Variants in SHMT1 observed in about 807,000 individuals in gnomAD.
SHMT1 encodes the protein serine hydroxymethyltransferase 1, also known as serine hydroxymethyltransferase, cytosolic.
In SHMT1, 45 loss-of-function variants were observed where a neutral mutation model predicts 49.0. The ratio of observed to expected loss-of-function variants is 0.92; its 90% CI spans 0.72 to 1.18. The LOEUF (loss-of-function observed/expected upper bound fraction) is 1.18. Among genes scored for constraint, SHMT1 ranks in the 50% most tolerant of loss-of-function variants. The pLI, the probability that SHMT1 is intolerant of heterozygous loss-of-function variation, is 0.00. For synonymous variants in SHMT1, 232 were observed against 246.6 expected, an observed-to-expected ratio of 0.94 and a Z score of 0.55; for missense variants, 541 against 612.4, an observed-to-expected ratio of 0.88 and a Z score of 1.23.
At position 18,345,251 on chromosome 17, in the gene SHMT1, C is replaced by T. The variant is rs968175233; in HGVS notation, c.519+2245G>A. On this transcript the variant is annotated intron_variant, in intron 5 of 11. Transcript: ENST00000316694. ...TGGCTGGAGGGAACTGGGTGCGGGA[C>T]GCAGATTCTTTCTTTTTTTTTCTGG... Among the ~76,000 whole-genome samples, 15 of 152,204 alleles carry T rather than the reference C, an allele frequency of 9.9e-5. No individual in the cohort carries two copies. In the South Asian group the frequency reaches 1.5e-3, roughly 15 times the overall value.
intron 3 of SHMT1, chr17:18,348,645 G>A (rs1298162280): frequency 1.4e-6 from 1 of 690,828 alleles, no homozygotes; most frequent in Non-Finnish European, 2.7e-6. Context: ...GACCAAACCA[G>A]CTGTGCAACT....
rs370480715 is a variant in SHMT1, at chr17:18,340,725, G to T, written c.601+7C>A. 6.2e-7 allele frequency: 1 copy of T among 1,608,922 alleles called. No individual in the cohort carries two copies. The highest frequency in any genetic ancestry group is 8.5e-7 in the Non-Finnish European group (1 of 1,177,526). On this transcript the variant is annotated splice_region_variant and intron_variant, in intron 6 of 11. Transcript: ENST00000316694. This position sits in a 1 kb window ranked among gnomAD's most constrained non-coding sequence, Gnocchi z 4.5. Reference sequence around the variant, plus strand: ...TGAACAAGGTGACTTTCCGCCCCGCGCATCACCTGCGATGATCAGCTTCGG... The same window carrying T: ...TGAACAAGGTGACTTTCCGCCCCGCTCATCACCTGCGATGATCAGCTTCGG...
chr17:18,331,869 CA>C (rs1440584910), intron 9 of SHMT1: 1 of 152,204 alleles, frequency 6.6e-6, no homozygotes, highest in Non-Finnish European at 1.5e-5. Flanking sequence ...ATGAAACTTC[CA>C]CCTCAGATCA....
chr17:18,337,126 T>C (rs1351878230), intron 7 of SHMT1, among the ~76,000 whole-genome samples: 1 of 152,194 alleles, frequency 6.6e-6, no homozygotes, highest in Non-Finnish European at 1.5e-5. Flanking sequence ...CTAATCACTT[T>C]ACATAAATTC....
rs959436249 is a variant in SHMT1, at chr17:18,328,439, T to C, written c.*311A>G. The C allele has an allele frequency of 1.2e-5, 5 of 401,044 alleles. No homozygotes were observed. The highest frequency in any genetic ancestry group is 2.3e-5 in the Non-Finnish European group (5 of 213,308). 24.8% of individuals were successfully genotyped at this position (401,044 alleles called of 1,614,324 possible). ...TACAATCTTTCTAACAGCTTTGCCC[T>C]ACACCACCATCTAAATGATTATGAC... is the stretch of plus-strand genomic sequence containing the variant. On this transcript the variant is annotated 3_prime_UTR_variant, in exon 12 of 12. Coordinates refer to ENST00000316694, the MANE Select transcript of SHMT1 (RefSeq NM_004169.5).
chr17:18,347,562 A>G lies in SHMT1; in HGVS notation c.453T>C (p.His151=). ...LDLPDGGHLT[H]GFMTDKKKIS... is the part of the protein sequence containing the mutation. Reference sequence around the variant, plus strand: ...TTTTCTTCTTGTCTGTCATGAACCCATGGGTCAGGTGGCCCCCATCCGGAA... The same window carrying G: ...TTTTCTTCTTGTCTGTCATGAACCCGTGGGTCAGGTGGCCCCCATCCGGAA... Residue 151 remains histidine (H), a synonymous_variant, in exon 5 of 12, where the codon CAT becomes CAC. Coordinates refer to ENST00000316694, the MANE Select transcript of SHMT1 (RefSeq NM_004169.5). 6.2e-7 allele frequency: 1 copy of G among 1,614,198 alleles called. No individual in the cohort carries two copies. The highest frequency in any genetic ancestry group is 8.5e-7 in the Non-Finnish European group (1 of 1,180,036).
chr17:18,358,478 C>T (rs989695179), intron 1 of SHMT1, among the ~76,000 whole-genome samples: 1 of 151,920 alleles, frequency 6.6e-6, no homozygotes, highest in African/African-American at 2.4e-5. Context: ...CAGAGCGAGA[C>T]TCTGTCTCAA....
At position 18,328,366 on chromosome 17, in the gene SHMT1, CCT is replaced by C. The variant is rs1982787480; in HGVS notation, c.*382_*383del. 3.4e-6 allele frequency: 1 copy of C among 290,636 alleles called. No individual in the cohort carries two copies. The highest frequency in any genetic ancestry group is 6.7e-6 in the Non-Finnish European group (1 of 148,800). The allele number at this position is 290,636 out of a possible 1,614,324, so 18.0% of individuals were successfully genotyped here. ...GTACAAGCTGTGGACATGGGCATTT[CCT>C]CTCTGTTGCAGCAAGGCGGAGGAAA... On this transcript the variant is annotated 3_prime_UTR_variant, in exon 12 of 12. Transcript: ENST00000316694.
intron 5 of SHMT1, among the ~76,000 whole-genome samples, chr17:18,343,396 G>A (rs1007803943): frequency 1.3e-5 from 2 of 149,310 alleles, no homozygotes; most frequent in Non-Finnish European, 3.0e-5. Context: ...ATCACCTGAG[G>A]TCAGGAGTTT....
intron 7 of SHMT1, among the ~76,000 whole-genome samples, chr17:18,336,777 T>C (rs1374889248): frequency 2.0e-5 from 3 of 151,880 alleles, no homozygotes; most frequent in Non-Finnish European, 4.4e-5. Flanking sequence ...AGAACCCATG[T>C]CCACAGAAAA....
At chr17:18,336,220 T>G (rs1012464802) in intron 7 of SHMT1, among the ~76,000 whole-genome samples, 1 of 150,138 alleles carries the variant, frequency 6.7e-6, no homozygotes, top group African/African-American at 2.5e-5. Flanking sequence ...GAGGTTGCAG[T>G]GAGCCAAGAT....
intron 5 of SHMT1, among the ~76,000 whole-genome samples, chr17:18,343,119 G>A (rs1226022454): frequency 6.6e-6 from 1 of 151,908 alleles, no homozygotes; most frequent in Non-Finnish European, 1.5e-5. Flanking sequence ...AGTGGGATAT[G>A]TTAGTTAACT....
At chr17:18,329,180 C>G in intron 11 of SHMT1, 98 bp downstream of exon 11, 1 of 963,816 alleles carries the variant, frequency 1.0e-6, no homozygotes, top group South Asian at 1.4e-5. Context: ...AGCCTTGGTG[C>G]AGAATTGTCT....
chr17:18,355,952 C>A lies in SHMT1; in HGVS notation c.30G>T (p.Lys10Asn), dbSNP rs746485826. 1 of 1,613,950 alleles carries A rather than the reference C, an allele frequency of 6.2e-7. No individual in the cohort carries two copies. Among genetic ancestry groups the A allele is most frequent in the African/African-American group, 1.3e-5 (1 of 74,926 alleles). ...CATGTGAGGACCACAGGTCAGCATC[C>A]TTGTGGGCCCCGTTGACTGGCATCG... is the stretch of plus-strand genomic sequence containing the variant. MTMPVNGAH[K>N]DADLWSSHDK... Residue 10 changes from lysine to asparagine, a missense_variant, in exon 2 of 12, where the codon AAG becomes AAT. Lys to Asn is a moderately conservative substitution (Grantham distance 94). Transcript: ENST00000316694.
intron 5 of SHMT1, chr17:18,341,105 C>A (rs952138581): frequency 1.5e-5 from 7 of 459,882 alleles, no homozygotes; most frequent in African/African-American, 1.4e-4. Flanking sequence ...TGTGACGGGA[C>A]CACACAATGG....
At chr17:18,336,620 T>C (rs1006106623) in intron 7 of SHMT1, among the ~76,000 whole-genome samples, 3 of 150,736 alleles carry the variant, frequency 2.0e-5, no homozygotes, top group African/African-American at 4.9e-5. Flanking sequence ...GAGCCGAGAT[T>C]GCACCACTGC....
chr17:18,335,524 G>A, intron 8 of SHMT1, 35 bp downstream of exon 8: 1 of 1,428,504 alleles, frequency 7.0e-7, no homozygotes, highest in Non-Finnish European at 9.9e-7. Flanking sequence ...GGGAATTAGG[G>A]GCTACAGGAT....
Position 18,328,425 on chromosome 17 carries a change from T to C in SHMT1, c.*325A>G, listed in dbSNP as rs1982793933. Reference sequence around the variant, plus strand: ...GGAGAGTAAAACGCTACAATCTTTCTAACAGCTTTGCCCTACACCACCATC... The same window carrying C: ...GGAGAGTAAAACGCTACAATCTTTCCAACAGCTTTGCCCTACACCACCATC... On this transcript the variant is annotated 3_prime_UTR_variant, in exon 12 of 12. Transcript: ENST00000316694. The C allele has an allele frequency of 5.4e-6, 2 of 370,656 alleles. No homozygotes were observed. The highest frequency in any genetic ancestry group is 1.0e-5 in the Non-Finnish European group (2 of 195,806). The allele number at this position is 370,656 out of a possible 1,614,324, so 23.0% of individuals were successfully genotyped here.
intron 1 of SHMT1, among the ~76,000 whole-genome samples, chr17:18,360,089 A>C (rs1329007969): frequency 6.6e-6 from 1 of 152,042 alleles, no homozygotes; most frequent in Admixed American, 6.6e-5. Flanking sequence ...CTCTACTAAA[A>C]AATACAAAAA....
Sources: allele counts gnomAD v4.1 joint callset (sites outside exome capture counted in the v4.1 genomes callset), GRCh38; gene constraint gnomAD v4.1.1; non-coding constraint Gnocchi (gnomAD v3.1); transcripts MANE v1.5; gene names NCBI Gene and HGNC (gene_info 2026-07-23, HGNC 2026-07-21).